FLRT1: variants seen among roughly 807,000 people sequenced by gnomAD.
FLRT1 encodes leucine-rich repeat transmembrane protein FLRT1.
FLRT1 carries 14 observed loss-of-function variants against 30.9 expected under a neutral mutation model. That is an observed-to-expected ratio of 0.45 (90% confidence interval 0.30 to 0.71). The LOEUF is 0.71. Among genes scored for constraint, FLRT1 ranks in the 30% least tolerant of loss-of-function variants. The probability of loss-of-function intolerance (pLI) is 0.08; values close to 1 mark genes in which losing one functional copy is unlikely to be tolerated. For missense variants in FLRT1, 737 were observed against 949.2 expected (o/e 0.78, Z 2.94); for synonymous variants, 368 against 430.4 (o/e 0.85, Z 1.80).
intron 1 of FLRT1, among the ~76,000 whole-genome samples, chr11:64,091,127 GGGGAGGGGGCAT>G (rs1297235687): frequency 2.1e-5 from 3 of 144,830 alleles, no homozygotes; most frequent in African/African-American, 7.6e-5. Flanking sequence ...AAGAGAGGGT[GGGGAGGGGGCAT>G]GGGAGGAGGA....
At chr11:64,071,381 T>G (rs1565219196) in intron 1 of FLRT1, among the ~76,000 whole-genome samples, 1 of 152,170 alleles carries the variant, frequency 6.6e-6, no homozygotes, top group Non-Finnish European at 1.5e-5. Flanking sequence ...CTAGCAATGT[T>G]TGTTGAATGA....
At chr11:64,047,050 G>A (rs767413049) in intron 1 of FLRT1, among the ~76,000 whole-genome samples, 3 of 150,576 alleles carry the variant, frequency 2.0e-5, no homozygotes, top group South Asian at 2.1e-4. Flanking sequence ...TGCCCCCCCC[G>A]GCTAGCATGC....
intron 2 of FLRT1, among the ~76,000 whole-genome samples, chr11:64,109,430 G>A (rs971476610): frequency 4.6e-5 from 7 of 152,150 alleles, no homozygotes; most frequent in Non-Finnish European, 8.8e-5. Context: ...CTCCCCACTC[G>A]TGACACTGGG....
intron 1 of FLRT1, among the ~76,000 whole-genome samples, chr11:64,046,960 C>A (rs1217501609): frequency 6.6e-6 from 1 of 152,218 alleles, no homozygotes. Flanking sequence ...CTCTCTAGTT[C>A]CTGAGAAGTC....
intron 1 of FLRT1, among the ~76,000 whole-genome samples, chr11:64,055,898 A>C (rs1220888959): frequency 6.6e-6 from 1 of 152,202 alleles, no homozygotes; most frequent in Non-Finnish European, 1.5e-5. Flanking sequence ...TTTGGCAGGC[A>C]GGGCACAGCA....
rs1267327753 is a variant in FLRT1, at chr11:64,065,759, C to T, written c.-1038+29600C>T. ...GAGCTGAGATGGCGCCACTGCACTC[C>T]AGCCTGGGCGACAGAGCACGACTCC... On this transcript the variant is annotated intron_variant, in intron 1 of 2. Coordinates refer to ENST00000682287, the MANE Select transcript of FLRT1 (RefSeq NM_013280.5). 2.1e-5 allele frequency among the ~76,000 whole-genome samples: 3 copies of T among 145,952 alleles called. No individual in the cohort carries two copies. The East Asian group carries it at 6.1e-4, about 29-fold the overall frequency.
chr11:64,038,265 G>C (rs748499488), intron 1 of FLRT1, among the ~76,000 whole-genome samples: 1 of 152,228 alleles, frequency 6.6e-6, no homozygotes, highest in Admixed American at 6.5e-5. Flanking sequence ...AGCCTGTGTC[G>C]CATTCACTGG....
chr11:64,115,843 AT>A (rs1316268145), intron 2 of FLRT1, among the ~76,000 whole-genome samples: 9 of 152,372 alleles, frequency 5.9e-5, no homozygotes, highest in African/African-American at 2.2e-4. Context: ...AGCGTTGGCC[AT>A]AAAGTGGCTT....
At chr11:64,069,798 G>T (rs567092131) in intron 1 of FLRT1, among the ~76,000 whole-genome samples, 1 of 152,236 alleles carries the variant, frequency 6.6e-6, no homozygotes, top group African/African-American at 2.4e-5. Flanking sequence ...CACTGCAGAC[G>T]CAGCAGACGC....
chr11:64,044,972 C>T (rs1239514364), intron 1 of FLRT1, among the ~76,000 whole-genome samples: 2 of 152,166 alleles, frequency 1.3e-5, no homozygotes, highest in Non-Finnish European at 2.9e-5. Context: ...CAGGGAAGGC[C>T]TCATAGGGTA....
In FLRT1 at chr11:64,062,997, G is replaced by A. The variant is rs147704138; in HGVS notation, c.-1038+26838G>A. On this transcript the variant is annotated intron_variant, in intron 1 of 2. Transcript: ENST00000682287. ...ACAGCTGCAAGGGGACAGGGCTCCC[G>A]GCCCATCTTCCGAGCTGTGAGGGAT... Among the ~76,000 whole-genome samples the A allele has an allele frequency of 4.7e-3, 712 of 152,320 alleles. 6 individuals are homozygous for A. Among genetic ancestry groups the A allele is most frequent in the African/African-American group, 0.016 (680 of 41,564 alleles).
intron 1 of FLRT1, among the ~76,000 whole-genome samples, chr11:64,076,257 C>G (rs560352842): frequency 6.6e-6 from 1 of 152,316 alleles, no homozygotes; most frequent in Admixed American, 6.5e-5. Flanking sequence ...CAGCCCTCAC[C>G]AGGTGCCCCC....
At chr11:64,066,088 G>A (rs1409643082) in intron 1 of FLRT1, among the ~76,000 whole-genome samples, 3 of 152,094 alleles carry the variant, frequency 2.0e-5, no homozygotes, top group Admixed American at 2.0e-4. Flanking sequence ...CCTGAGGTCA[G>A]GAGCTCAAGA....
chr11:64,065,106 C>A (rs1183438415), intron 1 of FLRT1, among the ~76,000 whole-genome samples: 1 of 152,228 alleles, frequency 6.6e-6, no homozygotes, highest in African/African-American at 2.4e-5. Context: ...CTCGGAGAGA[C>A]TTCCCAGAGG....
chr11:64,088,386 C>T (rs977758541), intron 1 of FLRT1, among the ~76,000 whole-genome samples: 5 of 152,114 alleles, frequency 3.3e-5, no homozygotes, highest in South Asian at 2.1e-4. Context: ...CTGCGGGCCT[C>T]GGGGTCCTCA....
intron 1 of FLRT1, among the ~76,000 whole-genome samples, chr11:64,057,228 G>A (rs1314095426): frequency 6.6e-6 from 1 of 152,230 alleles, no homozygotes; most frequent in Admixed American, 6.5e-5. Flanking sequence ...CAGCTTGGCT[G>A]GGGGCTGAAC....
intron 1 of FLRT1, among the ~76,000 whole-genome samples, chr11:64,085,853 G>A (rs1386283264): frequency 6.6e-6 from 1 of 152,204 alleles, no homozygotes; most frequent in Non-Finnish European, 1.5e-5. Context: ...AGGAATAAGA[G>A]ATGATGCAGA....
intron 1 of FLRT1, among the ~76,000 whole-genome samples, chr11:64,052,934 T>C (rs1943720608): frequency 6.6e-6 from 1 of 152,230 alleles, no homozygotes. Flanking sequence ...AGGCTTGGCC[T>C]CACGGTCAGG....
rs542281919 is a variant in FLRT1, at chr11:64,080,115, C to T, written c.-1037-23079C>T. Among the ~76,000 whole-genome samples the T allele has an allele frequency of 1.7e-3, 256 of 152,318 alleles. 1 individual carries two copies. The highest frequency in any genetic ancestry group is 5.6e-3 in the African/African-American group (232 of 41,548). On this transcript the variant is annotated intron_variant, in intron 1 of 2. Transcript: ENST00000682287. The stretch of plus-strand genomic sequence containing the variant: ...GCAACCTCCGCCTCCCAGGTTCAAG[C>T]GATTCTCCTGTCTCAGCCTCCCGAG...
Sources: allele counts gnomAD v4.1 joint callset (sites outside exome capture counted in the v4.1 genomes callset), GRCh38; gene constraint gnomAD v4.1.1; transcripts MANE v1.5; gene names NCBI Gene and HGNC (gene_info 2026-07-23, HGNC 2026-07-21).